The following ZNF124 variants were observed in gnomAD, a reference collection of about 807,000 sequenced individuals.
ZNF124 encodes zinc finger protein 124.
In ZNF124, 25 loss-of-function variants were observed where a neutral mutation model predicts 26.6. The observed-to-expected ratio is 0.94, with a 90% CI of 0.68 to 1.31. ZNF124 has a LOEUF of 1.31. ZNF124 is among the 40% of genes most tolerant of loss of function. The pLI is 0.00. For synonymous variants in ZNF124, 129 were observed against 133.3 expected (o/e 0.97, Z 0.22); for missense variants, 444 against 422.2 (o/e 1.05, Z -0.45).
chr1:247,166,646 CA>C (rs1673795662), intron 1 of ZNF124, among the ~76,000 whole-genome samples: 1 of 152,160 alleles, frequency 6.6e-6, no homozygotes, highest in Non-Finnish European at 1.5e-5. Context: ...GGCACACCAG[CA>C]AGTTGGATAA....
At chr1:247,164,759 T>C (rs1673682662) in intron 1 of ZNF124, among the ~76,000 whole-genome samples, 1 of 152,156 alleles carries the variant, frequency 6.6e-6, no homozygotes, top group Admixed American at 6.5e-5. Flanking sequence ...CCAAATTAGA[T>C]AAAACTATTT....
intron 3 of ZNF124, among the ~76,000 whole-genome samples, chr1:247,141,223 G>A (rs573897901): frequency 2.0e-5 from 3 of 152,264 alleles, no homozygotes; most frequent in African/African-American, 7.2e-5. Flanking sequence ...GTCAACTGCA[G>A]TTTGTTGTAG....
chr1:247,144,324 G>A (rs1672705904), intron 3 of ZNF124, among the ~76,000 whole-genome samples: 1 of 152,168 alleles, frequency 6.6e-6, no homozygotes, highest in South Asian at 2.1e-4. Context: ...AGAAAAGCCA[G>A]ATGAAATAGC....
At chr1:247,146,385 G>A (rs6699264) in intron 3 of ZNF124, among the ~76,000 whole-genome samples, 7,777 of 152,250 alleles carry the variant, frequency 0.051, 244 homozygotes, top group African/African-American at 0.079. Flanking sequence ...TCTTTCATAA[G>A]AGTTCAAATT....
chr1:247,122,107 T>A (rs571471445), exon 4 of ZNF124: 7 of 152,354 alleles, frequency 4.6e-5, no homozygotes, highest in Middle Eastern at 3.4e-3. Flanking sequence ...TCATTAATAT[T>A]TAGATAGGAC....
chr1:247,150,370 T>TG (rs1672896554), downstream of ZNF124, among the ~76,000 whole-genome samples: 1 of 152,106 alleles, frequency 6.6e-6, no homozygotes. Context: ...AACTGAAAGA[T>TG]GAAGAAAATA....
chr1:247,126,092 C>G (rs1195153731), intron 3 of ZNF124, among the ~76,000 whole-genome samples: 1 of 152,118 alleles, frequency 6.6e-6, no homozygotes, highest in Admixed American at 6.5e-5. Flanking sequence ...TGAAACCCGT[C>G]TCTACTAAAG....
chr1:247,131,395 G>C (rs1672363903), intron 3 of ZNF124, among the ~76,000 whole-genome samples: 1 of 152,146 alleles, frequency 6.6e-6, no homozygotes, highest in Non-Finnish European at 1.5e-5. Flanking sequence ...CAGCCTTTCA[G>C]CTGGAATCTA....
rs77500972 is a variant in ZNF124, at chr1:247,140,197, T to A, written c.219-16326A>T. Among the ~76,000 whole-genome samples the A allele has an allele frequency of 6.1e-3, 936 of 152,336 alleles. 7 individuals are homozygous for A. The highest frequency in any genetic ancestry group is 0.021 in the African/African-American group (880 of 41,574). Reference sequence around the variant, plus strand: ...AAGTTTTGTTATTTTTTATTCTTTTTAATTTTTCTGACTGTCTTATTTCAG... The same window carrying A: ...AAGTTTTGTTATTTTTTATTCTTTTAAATTTTTCTGACTGTCTTATTTCAG... On this transcript the variant is annotated intron_variant, in intron 3 of 3. Transcript: ENST00000472531.
intron 3 of ZNF124, among the ~76,000 whole-genome samples, chr1:247,136,546 T>C (rs1471450260): frequency 6.6e-6 from 1 of 152,192 alleles, no homozygotes; most frequent in Non-Finnish European, 1.5e-5. Context: ...GAATAATCAG[T>C]ATCACAAAAA....
intron 1 of ZNF124, among the ~76,000 whole-genome samples, chr1:247,170,494 C>T (rs548041130): frequency 6.8e-6 from 1 of 147,868 alleles, no homozygotes; most frequent in Non-Finnish European, 1.5e-5. Flanking sequence ...AACCAGTACC[C>T]TTGTGGAAAT....
At chr1:247,151,823 A>G (rs555923597), downstream of ZNF124, among the ~76,000 whole-genome samples, 302 of 146,206 alleles carry the variant, frequency 2.1e-3, no homozygotes, top group African/African-American at 7.1e-3. Context: ...TGCTAAAAAA[A>G]AAAAACCAAA....
At chr1:247,131,492 G>A (rs1184307834) in intron 3 of ZNF124, among the ~76,000 whole-genome samples, 1 of 152,208 alleles carries the variant, frequency 6.6e-6, no homozygotes, top group Non-Finnish European at 1.5e-5. Flanking sequence ...TCCTTGGGGA[G>A]GGGCAGCAGC....
intron 1 of ZNF124, among the ~76,000 whole-genome samples, chr1:247,163,587 C>G (rs1000084169): frequency 1.3e-5 from 2 of 151,782 alleles, no homozygotes; most frequent in African/African-American, 4.8e-5. Context: ...AAGATTGAAC[C>G]AGGAAGAAAT....
At chr1:247,129,974 G>A (rs1357524500) in intron 3 of ZNF124, among the ~76,000 whole-genome samples, 2 of 136,038 alleles carry the variant, frequency 1.5e-5, no homozygotes, top group African/African-American at 3.4e-5. Flanking sequence ...GAGGGAGGGT[G>A]GACATTGAGT....
chr1:247,169,215 A>G (rs1673952596), intron 1 of ZNF124, among the ~76,000 whole-genome samples: 1 of 152,160 alleles, frequency 6.6e-6, no homozygotes, highest in Non-Finnish European at 1.5e-5. Context: ...TAACTGGAAC[A>G]CAGATATGTT....
chr1:247,151,427 C>T (rs1464516704), downstream of ZNF124, among the ~76,000 whole-genome samples: 29 of 147,810 alleles, frequency 2.0e-4, no homozygotes, highest in Non-Finnish European at 3.9e-4. Flanking sequence ...TGCAGGGAGC[C>T]GAGATCGCGC....
Position 247,156,593 on chromosome 1 carries a change from T to C in ZNF124, c.1029A>G (p.Glu343=), listed in dbSNP as rs780538149. ...ACATTTTTTTACATTTATAGGGCTTTTCTCCAGTATGAGTTTTTTTATGCT... is the reference window on the plus strand; with the variant it reads ...ACATTTTTTTACATTTATAGGGCTTCTCTCCAGTATGAGTTTTTTTATGCT... ...LWKHKKTHTG[E]KPYKCKKM is the part of the protein sequence containing the mutation. The change falls in exon 4 of 4, where the codon GAA becomes GAG. Residue 343 remains glutamate, a synonymous_variant. Transcript: ENST00000543802. 17 of 1,551,614 alleles carry C rather than the reference T, an allele frequency of 1.1e-5. No homozygotes were observed. Among genetic ancestry groups the C allele is most frequent in the Middle Eastern group, 1.7e-4 (1 of 5,742 alleles).
At chr1:247,158,301 C>T (rs1480139974) in intron 3 of ZNF124, among the ~76,000 whole-genome samples, 3 of 151,990 alleles carry the variant, frequency 2.0e-5, no homozygotes, top group Admixed American at 1.3e-4. Flanking sequence ...CACTTCCTTT[C>T]TCTCTCTCTT....
Sources: gnomAD v4.1 joint callset for allele counts (sites outside exome capture counted in the v4.1 genomes callset) on GRCh38, gnomAD v4.1.1 for gene constraint, MANE v1.5 for transcripts, NCBI Gene and HGNC (gene_info 2026-07-23, HGNC 2026-07-21) for gene names.